CNTNAP2: variants seen among roughly 807,000 people sequenced by gnomAD.
The protein encoded by CNTNAP2 is contactin-associated protein-like 2.
Under a neutral mutation model 155.2 loss-of-function variants are expected in CNTNAP2, and 98 were observed. The observed-to-expected ratio is 0.63, with a 90% confidence interval of 0.54 to 0.75. The LOEUF (loss-of-function observed/expected upper bound fraction) is 0.75, where lower values mean the gene tolerates loss of function less well. Among genes scored for constraint, CNTNAP2 ranks in the 30% least tolerant of loss-of-function variants. CNTNAP2 has a pLI of 0.00. For missense variants in CNTNAP2, 1,727 were observed against 1,688.1 expected (o/e 1.02, Z -0.40); for synonymous variants, 651 against 631.2 (o/e 1.03, Z -0.47).
chr7:146,498,812 A>G (rs1445593474), intron 1 of CNTNAP2, among the ~76,000 whole-genome samples: 4 of 152,134 alleles, frequency 2.6e-5, no homozygotes, highest in African/African-American at 9.7e-5. Context: ...TTAAAGAGGG[A>G]AAAGTAACAC....
chr7:147,035,604 T>C (rs1454131082), intron 3 of CNTNAP2, among the ~76,000 whole-genome samples: 2 of 152,174 alleles, frequency 1.3e-5, no homozygotes, highest in Non-Finnish European at 2.9e-5. Context: ...CTCACATAAG[T>C]TCCCACCTAT....
At position 147,703,071 on chromosome 7, in the gene CNTNAP2, G is replaced by A. The variant is rs757853823; in HGVS notation, c.2098+63765G>A. Among the ~76,000 whole-genome samples, 493 of 152,222 alleles carry A rather than the reference G, an allele frequency of 3.2e-3. 2 individuals are homozygous for A. The highest frequency in any genetic ancestry group is 5.2e-3 in the Admixed American group (79 of 15,278). On this transcript the variant is annotated intron_variant, in intron 13 of 23. Transcript: ENST00000361727. ...CTGCCTCCCACACTTGAGGCGCATAGCAAGCCTGTCCTCTTCAGTTCTGAT... is the reference window on the plus strand; with the variant it reads ...CTGCCTCCCACACTTGAGGCGCATAACAAGCCTGTCCTCTTCAGTTCTGAT...
At chr7:148,188,134 T>C (rs111784748) in intron 18 of CNTNAP2, among the ~76,000 whole-genome samples, 6 of 152,330 alleles carry the variant, frequency 3.9e-5, no homozygotes, top group African/African-American at 1.4e-4. Flanking sequence ...GTTTAAGGAA[T>C]GTGCTTGGAG....
chr7:146,922,538 A>G (rs1316700434), intron 3 of CNTNAP2, among the ~76,000 whole-genome samples: 2 of 152,168 alleles, frequency 1.3e-5, no homozygotes, highest in African/African-American at 4.8e-5. Flanking sequence ...AAGGTAAAGA[A>G]AACAATGATA....
intron 9 of CNTNAP2, among the ~76,000 whole-genome samples, chr7:147,311,441 C>A (rs1795124259): frequency 1.3e-5 from 2 of 152,132 alleles, no homozygotes; most frequent in Admixed American, 6.5e-5. Context: ...CTGTTAGAAT[C>A]CTGTGTCAGA....
chr7:146,747,402 A>C (rs1381027180), intron 1 of CNTNAP2, among the ~76,000 whole-genome samples: 2 of 152,208 alleles, frequency 1.3e-5, no homozygotes, highest in Non-Finnish European at 2.9e-5. Flanking sequence ...CATGTGCTTT[A>C]CTACGGAAAG....
chr7:147,168,506 A>G (rs1321532486), intron 8 of CNTNAP2, among the ~76,000 whole-genome samples: 4 of 152,048 alleles, frequency 2.6e-5, no homozygotes, highest in Admixed American at 6.5e-5. Context: ...TAATATTCCC[A>G]TCTGATAAAG....
At chr7:146,851,347 A>AGCTT (rs1794874127) in intron 3 of CNTNAP2, among the ~76,000 whole-genome samples, 1 of 152,328 alleles carries the variant, frequency 6.6e-6, no homozygotes, top group East Asian at 1.9e-4. Context: ...ACAGAGCTTA[A>AGCTT]AAGTTAGAAG....
At chr7:146,774,788 T>C (rs572248754) in intron 2 of CNTNAP2, among the ~76,000 whole-genome samples, 1 of 152,278 alleles carries the variant, frequency 6.6e-6, no homozygotes, top group Non-Finnish European at 1.5e-5. Context: ...AAAAAGTTAG[T>C]TCCTATTGAA....
intron 2 of CNTNAP2, among the ~76,000 whole-genome samples, chr7:146,780,469 G>A (rs1474208620): frequency 6.6e-6 from 1 of 152,036 alleles, no homozygotes; most frequent in Non-Finnish European, 1.5e-5. Flanking sequence ...GATTACAGGC[G>A]TGAGCCACTG....
chr7:148,215,973 G>A (rs1051674072), intron 18 of CNTNAP2, among the ~76,000 whole-genome samples: 3 of 152,222 alleles, frequency 2.0e-5, no homozygotes, highest in South Asian at 2.1e-4. Flanking sequence ...TCTGCATAGT[G>A]TTAATTTAGT....
At chr7:146,793,060 T>C (rs917562684) in intron 2 of CNTNAP2, among the ~76,000 whole-genome samples, 9 of 152,348 alleles carry the variant, frequency 5.9e-5, no homozygotes, top group African/African-American at 1.9e-4. Context: ...TATTGTCATT[T>C]TGTTATGTAA....
chr7:146,380,781 G>GTTTT (rs1795371006), intron 1 of CNTNAP2, among the ~76,000 whole-genome samples: 2 of 89,246 alleles, frequency 2.2e-5, no homozygotes, highest in African/African-American at 9.7e-5. Flanking sequence ...TCTTATGCAC[G>GTTTT]TTCTTTTTTT....
rs189457908 is a variant in CNTNAP2 at position 147,248,664 on chromosome 7, G to A, written c.1349-51477G>A. Among the ~76,000 whole-genome samples, 358 of 152,308 alleles carry A rather than the reference G, an allele frequency of 2.4e-3. 1 individual carries two copies. Among genetic ancestry groups the A allele is most frequent in the African/African-American group, 8.0e-3 (332 of 41,562 alleles). ...GCAAACAATATGAATAAAGTGACAA[G>A]GTGATGATGAGCATGCCCATAGTCT... On this transcript the variant is annotated intron_variant, in intron 8 of 23. Transcript: ENST00000361727.
chr7:147,021,250 T>G (rs1016046915), intron 3 of CNTNAP2, among the ~76,000 whole-genome samples: 1 of 132,106 alleles, frequency 7.6e-6, no homozygotes, highest in Non-Finnish European at 1.7e-5. Context: ...ATTTTATGTA[T>G]GGCCCAAGAC....
rs117888027 is a variant in CNTNAP2, at chr7:148,036,096, A to T, written c.2383+58107A>T. ...ATAACTTGTTTAACTTCACAGGCTC[A>T]TAGCTAGAGGGAAATTTGCCTCAAG... On this transcript the variant is annotated intron_variant, in intron 15 of 23. Transcript: ENST00000361727. Among the ~76,000 whole-genome samples the T allele has an allele frequency of 2.2e-3, 342 of 152,332 alleles. 1 individual carries two copies. Among genetic ancestry groups the T allele is most frequent in the South Asian group, 0.01 (50 of 4,828 alleles).
chr7:147,307,597 C>CG (rs1476742153), intron 9 of CNTNAP2, among the ~76,000 whole-genome samples: 1 of 151,594 alleles, frequency 6.6e-6, no homozygotes, highest in Non-Finnish European at 1.5e-5. Flanking sequence ...CCTGCCCCCC[C>CG]AAAAAAGGAA....
At chr7:146,392,266 A>G (rs942481923) in intron 1 of CNTNAP2, among the ~76,000 whole-genome samples, 4 of 151,478 alleles carry the variant, frequency 2.6e-5, no homozygotes, top group African/African-American at 9.8e-5. Flanking sequence ...TATGACATTA[A>G]TAAATTTTAT....
intron 13 of CNTNAP2, among the ~76,000 whole-genome samples, chr7:147,724,730 C>A (rs535555604): frequency 6.6e-6 from 1 of 151,904 alleles, no homozygotes; most frequent in South Asian, 2.1e-4. Context: ...TATTACACTG[C>A]GGAAGCTAGA....
Sources: allele counts gnomAD v4.1 joint callset (sites outside exome capture counted in the v4.1 genomes callset), GRCh38; gene constraint gnomAD v4.1.1; transcripts MANE v1.5; gene names NCBI Gene and HGNC (gene_info 2026-07-23, HGNC 2026-07-21).